FAM114A1: variants seen among roughly 807,000 people sequenced by gnomAD.
The protein encoded by FAM114A1 is family with sequence similarity 114 member A1, also known as protein NOXP20.
Under a neutral mutation model 64.3 loss-of-function variants are expected in FAM114A1, and 62 were observed. The ratio of observed to expected loss-of-function variants is 0.96; its 90% CI spans 0.79 to 1.19. The LOEUF is 1.19. Among genes scored for constraint, FAM114A1 ranks in the 50% most tolerant of loss-of-function variants. The pLI, the probability that FAM114A1 is intolerant of heterozygous loss-of-function variation, is 0.00. For missense variants in FAM114A1, 645 were observed against 676.3 expected (o/e 0.95, Z 0.51); for synonymous variants, 254 against 251.1 (o/e 1.01, Z -0.11).
Position 38,908,695 on chromosome 4 carries a change from C to G in FAM114A1, c.761C>G (p.Thr254Arg). The G allele has an allele frequency of 1.2e-6, 2 of 1,612,476 alleles. No homozygotes were observed. Among genetic ancestry groups the G allele is most frequent in the Non-Finnish European group, 1.7e-6 (2 of 1,178,790 alleles). The change falls in exon 7 of 15, where the codon ACG becomes AGG. Residue 254 changes from threonine to arginine, a missense_variant. Coordinates refer to ENST00000358869, the MANE Select transcript of FAM114A1 (RefSeq NM_138389.4). ...ESDPGFKRTK[T>R]LMERTVSLSQ... ...GACCCGGGCTTTAAGCGGACCAAGA[C>G]GCTCATGGAGAGAACTGTTTCCTTG...
intron 8 of FAM114A1, among the ~76,000 whole-genome samples, chr4:38,916,998 A>G (rs1719113741): frequency 6.6e-6 from 1 of 151,944 alleles, no homozygotes; most frequent in Non-Finnish European, 1.5e-5. Flanking sequence ...GTCCAGTAAG[A>G]TGTGCTCTAG....
chr4:38,900,804 A>G (rs971684491), intron 4 of FAM114A1, among the ~76,000 whole-genome samples: 2 of 152,098 alleles, frequency 1.3e-5, no homozygotes, highest in African/African-American at 4.8e-5. Flanking sequence ...ATGGGTATAG[A>G]GTTTCTATTT....
chr4:38,943,542 G>C lies in FAM114A1; in HGVS notation c.1677G>C (p.Leu559Phe), dbSNP rs774296251. The C allele has an allele frequency of 2.5e-6, 4 of 1,613,944 alleles. No individual in the cohort carries two copies. In the Admixed American group the frequency reaches 6.7e-5, roughly 27 times the overall value. The change falls in exon 15 of 15, where the codon TTG (leucine) becomes TTC (phenylalanine). Residue 559 changes from leucine (L) to phenylalanine (F), a missense_variant. Coordinates refer to ENST00000358869, the MANE Select transcript of FAM114A1 (RefSeq NM_138389.4). Reference sequence around the variant, plus strand: ...TCTCACATATCCAGACCAGTTGTTTGAAAGCACAGCCGTGACCTGGCCAGA... The same window carrying C: ...TCTCACATATCCAGACCAGTTGTTTCAAAGCACAGCCGTGACCTGGCCAGA... ...LQVSHIQTSC[L>F]KAQP
In FAM114A1 at chr4:38,905,869, G is replaced by A. The variant is rs372801338; in HGVS notation, c.657+8G>A. 44 of 1,605,630 alleles carry A rather than the reference G, an allele frequency of 2.7e-5. No individual in the cohort carries two copies. The highest frequency in any genetic ancestry group is 6.8e-5 in the African/African-American group (5 of 74,052). On this transcript the variant is annotated splice_region_variant and intron_variant, in intron 6 of 14. Coordinates refer to ENST00000358869, the MANE Select transcript of FAM114A1 (RefSeq NM_138389.4). ...AATGTGGTTCAAAACACAGTGAGTCGCTGGCTGCTTCCTCTCTTTCCCCTG... is the reference window on the plus strand; with the variant it reads ...AATGTGGTTCAAAACACAGTGAGTCACTGGCTGCTTCCTCTCTTTCCCCTG...
intron 9 of FAM114A1, among the ~76,000 whole-genome samples, chr4:38,924,786 C>A (rs1719952792): frequency 1.3e-5 from 2 of 151,954 alleles, no homozygotes; most frequent in African/African-American, 4.8e-5. Flanking sequence ...CCTTGTGGAC[C>A]CAGGATGAAC....
intron 2 of FAM114A1, 111 bp from the exon 3 acceptor site, chr4:38,877,960 G>C (rs113901907): frequency 1.2e-6 from 1 of 834,260 alleles, no homozygotes; most frequent in Non-Finnish European, 1.8e-6. Flanking sequence ...GCGAAACTCC[G>C]TCTCAAAAAA....
chr4:38,908,345 A>T (rs1476078163), intron 6 of FAM114A1, among the ~76,000 whole-genome samples: 1 of 152,044 alleles, frequency 6.6e-6, no homozygotes, highest in Non-Finnish European at 1.5e-5. Flanking sequence ...ATTTTATTTT[A>T]TGTGCTTTGG....
chr4:38,926,764 C>G (rs1258171770), intron 9 of FAM114A1, among the ~76,000 whole-genome samples: 2 of 152,138 alleles, frequency 1.3e-5, no homozygotes, highest in East Asian at 3.9e-4. Context: ...CCCTCTCTAT[C>G]TATCTCTGAG....
chr4:38,936,099 T>G lies in FAM114A1; in HGVS notation c.1536+309T>G, dbSNP rs573409473. Among the ~76,000 whole-genome samples the G allele has an allele frequency of 1.3e-4, 18 of 138,218 alleles. No individual in the cohort carries two copies. The South Asian group carries it at 2.8e-3, about 22-fold the overall frequency. The allele number at this position is 138,218 out of a possible 152,430, so 90.7% of individuals were successfully genotyped here. A position where few individuals can be genotyped will look rare whatever the true frequency, so the allele number is the denominator to read the frequency against. ...TTTGATTTTTGTTTTGTTTTTTTTG[T>G]TTTTTTTTTTTGAGACGGAGTTTTG... On this transcript the variant is annotated intron_variant, in intron 13 of 14. Transcript: ENST00000358869.
chr4:38,903,205 T>A lies in FAM114A1; in HGVS notation c.437-2317T>A, dbSNP rs142772609. On this transcript the variant is annotated intron_variant, in intron 4 of 14. Transcript: ENST00000358869. ...TACATGCACATAAAATCGTATTTCC[T>A]TCTAGTAACAAAGTGATTTTTCTAG... is the stretch of plus-strand genomic sequence containing the variant. 2.9e-3 allele frequency among the ~76,000 whole-genome samples: 445 copies of A among 152,326 alleles called. 3 individuals carry two copies. Among genetic ancestry groups the A allele is most frequent in the African/African-American group, 0.01 (427 of 41,566 alleles).
intron 4 of FAM114A1, among the ~76,000 whole-genome samples, chr4:38,895,362 T>G (rs1161718979): frequency 6.6e-6 from 1 of 152,190 alleles, no homozygotes; most frequent in Non-Finnish European, 1.5e-5. Flanking sequence ...AAAATCTCTC[T>G]CATGCTTCAA....
chr4:38,870,047 G>T (rs56088957), intron 2 of FAM114A1, among the ~76,000 whole-genome samples: 1 of 151,984 alleles, frequency 6.6e-6, no homozygotes, highest in South Asian at 2.1e-4. Flanking sequence ...CTTTACAGAG[G>T]AGCAGGTGTA....
chr4:38,899,024 G>GTT (rs1382364263), intron 4 of FAM114A1, among the ~76,000 whole-genome samples: 35 of 116,542 alleles, frequency 3.0e-4, no homozygotes, highest in Admixed American at 2.3e-3. Context: ...TCATATATAT[G>GTT]TTATATATAT....
At chr4:38,942,077 A>G (rs370221805) in intron 14 of FAM114A1, among the ~76,000 whole-genome samples, 1 of 152,152 alleles carries the variant, frequency 6.6e-6, no homozygotes, top group Non-Finnish European at 1.5e-5. Context: ...AAACCATCAG[A>G]TCTCATGAGA....
rs555479927 is a variant in FAM114A1, at chr4:38,943,658, A to G, written c.*101A>G. The G allele has an allele frequency of 3.6e-4, 343 of 955,724 alleles. No homozygotes were observed. The African/African-American group carries it at 5.0e-3, about 14-fold the overall frequency. The allele number at this position is 955,724 out of a possible 1,614,324, so 59.2% of individuals were successfully genotyped here. A position where few individuals can be genotyped will look rare whatever the true frequency, so the allele number is the denominator to read the frequency against. On this transcript the variant is annotated 3_prime_UTR_variant, in exon 15 of 15. Transcript: ENST00000358869. ...TCTGTGCGCCTGGCCACAGACATCC[A>G]TTTGAGGACACTACAAGCAATTTTG...
chr4:38,876,233 G>C (rs1434066167), intron 2 of FAM114A1, among the ~76,000 whole-genome samples: 2 of 136,610 alleles, frequency 1.5e-5, no homozygotes, highest in Non-Finnish European at 3.0e-5. Flanking sequence ...GCAGTGACAC[G>C]ATCTCAGCTC....
At position 38,944,895 on chromosome 4, in the gene FAM114A1, C is replaced by T. The variant is rs943749695; in HGVS notation, c.*1338C>T. 2.0e-5 allele frequency: 3 copies of T among 152,098 alleles called. No individual in the cohort carries two copies. Among genetic ancestry groups the T allele is most frequent in the African/African-American group, 7.2e-5 (3 of 41,418 alleles). The allele number at this position is 152,098 out of a possible 1,614,324, so 9.4% of individuals were successfully genotyped here. On this transcript the variant is annotated 3_prime_UTR_variant, in exon 15 of 15. Transcript: ENST00000358869. ...TCCCTGGTACCAGAAAGGTTGGGGA[C>T]CACTGGCTTAAAATACCAATAAATT...
chr4:38,918,478 G>A (rs765954412), intron 8 of FAM114A1, among the ~76,000 whole-genome samples: 1 of 152,106 alleles, frequency 6.6e-6, no homozygotes, highest in East Asian at 1.9e-4. Flanking sequence ...ATAAAAATAC[G>A]GGATGACTAG....
At chr4:38,868,107 A>G (rs974087183) in intron 1 of FAM114A1, 2 of 290,184 alleles carry the variant, frequency 6.9e-6, no homozygotes, top group African/African-American at 2.3e-5. Flanking sequence ...TCATGCACAC[A>G]CCCACACGCC....
Sources: gnomAD v4.1 joint callset for allele counts (sites outside exome capture counted in the v4.1 genomes callset) on GRCh38, gnomAD v4.1.1 for gene constraint, MANE v1.5 for transcripts, NCBI Gene and HGNC (gene_info 2026-07-23, HGNC 2026-07-21) for gene names.